KALRN: variants seen among roughly 807,000 people sequenced by gnomAD.
KALRN encodes kalirin.
In KALRN, 70 loss-of-function variants were observed where a neutral mutation model predicts 353.7. The ratio of observed to expected loss-of-function variants is 0.20; its 90% CI spans 0.16 to 0.24. KALRN has a LOEUF of 0.24. KALRN is among the 10% of genes least tolerant of loss of function. KALRN has a pLI of 1.00. For missense variants in KALRN, 2,791 were observed against 3,756.7 expected (o/e 0.74, Z 6.72); for synonymous variants, 1,391 against 1,434.8 (o/e 0.97, Z 0.69).
chr3:124,576,316 A>G (rs2074087573), intron 34 of KALRN, among the ~76,000 whole-genome samples: 1 of 152,058 alleles, frequency 6.6e-6, no homozygotes, highest in South Asian at 2.1e-4. Context: ...TATCCCCAGC[A>G]TCTAAAACAG....
At chr3:124,660,994 G>T in intron 44 of KALRN, 21 bp downstream of exon 44, 2 of 1,564,490 alleles carry the variant, frequency 1.3e-6, no homozygotes, top group African/African-American at 1.4e-5. Flanking sequence ...TGCTTGTAAT[G>T]CTTGCTGTTC....
At chr3:124,434,547 C>T (rs1237202984) in intron 17 of KALRN, 22 bp downstream of exon 17, 26 of 1,609,520 alleles carry the variant, frequency 1.6e-5, no homozygotes, top group Non-Finnish European at 2.1e-5. Context: ...GACTGTGGGG[C>T]TTGTGGGGCT....
chr3:124,395,451 C>A, intron 12 of KALRN, 108 bp downstream of exon 12: 2 of 827,050 alleles, frequency 2.4e-6, no homozygotes, highest in Non-Finnish European at 3.9e-6. Flanking sequence ...CTTGTGTGAG[C>A]TTCGGTTTCT....
intron 1 of KALRN, among the ~76,000 whole-genome samples, chr3:124,092,745 T>A (rs2061194257): frequency 6.6e-6 from 1 of 152,224 alleles, no homozygotes; most frequent in South Asian, 2.1e-4. Context: ...TTATTTAATC[T>A]TTTGGAACAT....
chr3:124,604,108 C>T (rs992970864), intron 34 of KALRN, among the ~76,000 whole-genome samples: 1 of 151,152 alleles, frequency 6.6e-6, no homozygotes, highest in African/African-American at 2.4e-5. Flanking sequence ...AAAGTAAGAA[C>T]TCTGAACAAA....
intron 1 of KALRN, among the ~76,000 whole-genome samples, chr3:124,198,954 T>C (rs1235520350): frequency 6.6e-6 from 1 of 152,150 alleles, no homozygotes; most frequent in South Asian, 2.1e-4. Flanking sequence ...GAGGCCCAGA[T>C]TGTGTGATCG....
At chr3:124,288,024 C>T (rs1045019206) in intron 5 of KALRN, among the ~76,000 whole-genome samples, 2 of 151,692 alleles carry the variant, frequency 1.3e-5, no homozygotes, top group African/African-American at 2.4e-5. Flanking sequence ...CAGGTGCCTG[C>T]CACCACGCCT....
intron 1 of KALRN, among the ~76,000 whole-genome samples, chr3:124,186,261 A>G (rs2074220345): frequency 6.6e-6 from 1 of 152,152 alleles, no homozygotes; most frequent in Non-Finnish European, 1.5e-5. Context: ...ATTGTGTGTC[A>G]GGCGTCTCTT....
chr3:124,602,998 G>C (rs940112830), intron 34 of KALRN, among the ~76,000 whole-genome samples: 2 of 147,584 alleles, frequency 1.4e-5, no homozygotes, highest in African/African-American at 5.0e-5. Flanking sequence ...TACTACAGTG[G>C]AATCTAGTGC....
chr3:124,525,506 A>T (rs1158327449), intron 33 of KALRN, among the ~76,000 whole-genome samples: 1 of 152,136 alleles, frequency 6.6e-6, no homozygotes, highest in East Asian at 1.9e-4. Context: ...ATGTAGAAAG[A>T]GAGTTTAGAT....
At position 124,659,432 on chromosome 3, in the gene KALRN, T is replaced by C; in HGVS notation, c.6191T>C (p.Ile2064Thr). 1.2e-6 allele frequency: 2 copies of C among 1,613,402 alleles called. No homozygotes were observed. Among genetic ancestry groups the C allele is most frequent in the Non-Finnish European group, 1.7e-6 (2 of 1,179,390 alleles). Residue 2064 changes from isoleucine (I) to threonine (T), a missense_variant, in exon 43 of 60, where the codon ATA (isoleucine) becomes ACA (threonine). Ile to Thr is a moderately conservative substitution (Grantham distance 89). Coordinates refer to ENST00000682506, the MANE Select transcript of KALRN (RefSeq NM_001388419.1). Reference protein sequence around the residue: ...SDFLIKPIQRITKYQLLLKDF... With the variant: ...SDFLIKPIQRTTKYQLLLKDF... Reference sequence around the variant, plus strand: ...TTCCTCATCAAGCCCATTCAGAGAATAACAAAATACCAGTTGCTCCTCAAG... The same window carrying C: ...TTCCTCATCAAGCCCATTCAGAGAACAACAAAATACCAGTTGCTCCTCAAG...
At chr3:124,415,814 C>G (rs966578740) in intron 14 of KALRN, among the ~76,000 whole-genome samples, 1 of 152,196 alleles carries the variant, frequency 6.6e-6, no homozygotes, top group Non-Finnish European at 1.5e-5. Flanking sequence ...ACCAGCATCA[C>G]TTGGGAGCAG....
At chr3:124,260,140 G>C (rs561193972) in intron 3 of KALRN, among the ~76,000 whole-genome samples, 2 of 152,332 alleles carry the variant, frequency 1.3e-5, no homozygotes, top group Middle Eastern at 3.4e-3. Flanking sequence ...GTGGTGCCTA[G>C]GGCAAGAGTA....
intron 1 of KALRN, among the ~76,000 whole-genome samples, chr3:124,109,744 G>C (rs201386764): frequency 0.068 from 7,659 of 112,952 alleles, 26 homozygotes; most frequent in East Asian, 0.27. Flanking sequence ...ATATATATAT[G>C]ACATATATAT....
chr3:124,402,511 A>T (rs1295857902), intron 13 of KALRN, among the ~76,000 whole-genome samples: 1 of 151,982 alleles, frequency 6.6e-6, no homozygotes, highest in African/African-American at 2.4e-5. Context: ...AATACAGGTG[A>T]TTTTTTTTCT....
At chr3:124,154,459 C>T (rs2068667701) in intron 1 of KALRN, among the ~76,000 whole-genome samples, 1 of 152,164 alleles carries the variant, frequency 6.6e-6, no homozygotes, top group African/African-American at 2.4e-5. Flanking sequence ...CATTCTTATA[C>T]ACGAATAACA....
At chr3:124,366,059 A>C (rs186591625) in intron 10 of KALRN, among the ~76,000 whole-genome samples, 91 of 152,278 alleles carry the variant, frequency 6.0e-4, no homozygotes, top group Non-Finnish European at 1.8e-4. Context: ...TTTTTTTTGC[A>C]TATGTGTGTC....
chr3:124,527,194 A>G (rs1179279305), intron 33 of KALRN, among the ~76,000 whole-genome samples: 1 of 152,216 alleles, frequency 6.6e-6, no homozygotes. Context: ...AAATTCATCC[A>G]GATGATCTCA....
At chr3:124,244,961 A>G (rs2080943393) in intron 3 of KALRN, among the ~76,000 whole-genome samples, 1 of 152,156 alleles carries the variant, frequency 6.6e-6, no homozygotes, top group African/African-American at 2.4e-5. Context: ...TGAGATTTCC[A>G]TCATCTCAGA....
Sources: allele counts gnomAD v4.1 joint callset (sites outside exome capture counted in the v4.1 genomes callset), GRCh38; gene constraint gnomAD v4.1.1; transcripts MANE v1.5; gene names NCBI Gene and HGNC (gene_info 2026-07-23, HGNC 2026-07-21).